The following CCSER2 variants were observed in gnomAD, a reference collection of about 807,000 sequenced individuals.
CCSER2 encodes the protein serine-rich coiled-coil domain-containing protein 2.
In CCSER2, 46 loss-of-function variants were observed where a neutral mutation model predicts 92.3. The observed-to-expected ratio is 0.50, with a 90% confidence interval of 0.39 to 0.64. The LOEUF (loss-of-function observed/expected upper bound fraction) is 0.64. CCSER2 is among the 30% of genes least tolerant of loss of function. The pLI, the probability that CCSER2 is intolerant of heterozygous loss-of-function variation, is 0.00. For synonymous variants in CCSER2, 433 were observed against 431.4 expected, an observed-to-expected ratio of 1.00 and a Z score of -0.04; for missense variants, 1,244 against 1,238.9, an observed-to-expected ratio of 1.00 and a Z score of -0.06.
At chr10:84,506,810 A>AATAAATAAATAC (rs1292964143) in intron 9 of CCSER2, among the ~76,000 whole-genome samples, 1 of 151,690 alleles carries the variant, frequency 6.6e-6, no homozygotes, top group Admixed American at 6.6e-5. Context: ...TAAATAAATA[A>AATAAATAAATAC]ATAAATAAAT....
At chr10:84,453,248 A>G (rs896642694) in intron 6 of CCSER2, among the ~76,000 whole-genome samples, 3 of 152,152 alleles carry the variant, frequency 2.0e-5, no homozygotes, top group African/African-American at 7.2e-5. Context: ...GATCAGAACA[A>G]TATATTTCTA....
intron 1 of CCSER2, among the ~76,000 whole-genome samples, chr10:84,353,499 A>G (rs1428942538): frequency 1.3e-5 from 2 of 152,172 alleles, no homozygotes; most frequent in Non-Finnish European, 2.9e-5. Context: ...CAAGTTCTGT[A>G]TGCTTTTGTT....
intron 6 of CCSER2, among the ~76,000 whole-genome samples, chr10:84,451,238 T>C (rs1219324188): frequency 1.3e-5 from 2 of 151,658 alleles, no homozygotes; most frequent in Non-Finnish European, 1.5e-5. Context: ...GAAAGGTTTT[T>C]TTTTTGGTTG....
chr10:84,498,750 C>G (rs544108183), intron 9 of CCSER2, among the ~76,000 whole-genome samples: 1 of 152,182 alleles, frequency 6.6e-6, no homozygotes, highest in Non-Finnish European at 1.5e-5. Context: ...GGCTGATTTT[C>G]CTTAATGATA....
chr10:84,468,818 AGAG>A (rs1846610632), intron 7 of CCSER2, among the ~76,000 whole-genome samples: 1 of 152,140 alleles, frequency 6.6e-6, no homozygotes, highest in Admixed American at 6.5e-5. Context: ...TAACTGAATC[AGAG>A]TGCAGGTATT....
rs771127624 is a variant in CCSER2, at chr10:84,438,597, G to T, written c.1954G>T (p.Asp652Tyr). The T allele has an allele frequency of 6.8e-6, 11 of 1,613,388 alleles. 1 individual carries two copies. The South Asian group carries it at 1.2e-4, about 18-fold the overall frequency. ...PFFQAQKMFV[D>Y]VPENTVILDE... ...TTTCCAGGCTCAGAAGATGTTTGTT[G>T]ATGTACCAGAAAATACAGTGATACT... Residue 652 changes from aspartate to tyrosine, a missense_variant, in exon 6 of 10, where the codon GAT becomes TAT. Asp to Tyr is a radical substitution (Grantham distance 160). Coordinates refer to ENST00000372088, the MANE Select transcript of CCSER2 (RefSeq NM_001284240.2).
At chr10:84,500,090 A>C (rs1848646083) in intron 9 of CCSER2, 3 of 1,217,094 alleles carry the variant, frequency 2.5e-6, no homozygotes, top group South Asian at 1.6e-5. Context: ...CTAAAGCAGC[A>C]CTCTCTGTGG....
intron 4 of CCSER2, among the ~76,000 whole-genome samples, chr10:84,420,414 A>G (rs745829682): frequency 1.4e-4 from 22 of 152,314 alleles, no homozygotes; most frequent in Non-Finnish European, 3.1e-4. Context: ...GGCACCAAAG[A>G]TAAAATAGTA....
At chr10:84,457,208 A>C in intron 6 of CCSER2, among the ~76,000 whole-genome samples, 1 of 106,916 alleles carries the variant, frequency 9.4e-6, no homozygotes, top group Non-Finnish European at 1.9e-5. Flanking sequence ...CTTCTTTTAT[A>C]TATATATTAC....
chr10:84,454,456 T>C (rs1453263280), intron 6 of CCSER2, among the ~76,000 whole-genome samples: 1 of 152,246 alleles, frequency 6.6e-6, no homozygotes, highest in East Asian at 1.9e-4. Flanking sequence ...TGAGATGCAA[T>C]ATACACAGTA....
At chr10:84,409,131 C>T (rs2133353057) in intron 3 of CCSER2, among the ~76,000 whole-genome samples, 1 of 152,120 alleles carries the variant, frequency 6.6e-6, no homozygotes, top group African/African-American at 2.4e-5. Context: ...GCTGGAATTA[C>T]AGGTGCCTGC....
chr10:84,408,029 A>T (rs2133348029), intron 3 of CCSER2, among the ~76,000 whole-genome samples: 1 of 152,166 alleles, frequency 6.6e-6, no homozygotes, highest in East Asian at 1.9e-4. Context: ...GAAGGTTCCC[A>T]CATGGCAGGC....
At chr10:84,369,069 A>G (rs189800678) in intron 1 of CCSER2, among the ~76,000 whole-genome samples, 112 of 150,548 alleles carry the variant, frequency 7.4e-4, no homozygotes, top group African/African-American at 2.6e-3. Context: ...TAATTCACTC[A>G]TTGGTTGATG....
chr10:84,470,573 T>G, intron 8 of CCSER2, 115 bp downstream of exon 8: 2 of 783,380 alleles, frequency 2.6e-6, no homozygotes, highest in Non-Finnish European at 3.5e-6. Context: ...AAAGTTGCAC[T>G]TTTATATTAT....
intron 9 of CCSER2, among the ~76,000 whole-genome samples, chr10:84,483,282 A>G (rs1347281309): frequency 1.3e-5 from 2 of 151,834 alleles, no homozygotes; most frequent in Admixed American, 6.6e-5. Flanking sequence ...AATCCGAGCT[A>G]CTCGGGAGGC....
At chr10:84,395,575 T>G (rs1315872539) in intron 3 of CCSER2, among the ~76,000 whole-genome samples, 4 of 152,212 alleles carry the variant, frequency 2.6e-5, no homozygotes. Context: ...CCGCAATCTT[T>G]TATCCCTTTC....
chr10:84,416,862 C>T (rs772925142), intron 3 of CCSER2, among the ~76,000 whole-genome samples: 3 of 151,958 alleles, frequency 2.0e-5, no homozygotes, highest in African/African-American at 4.8e-5. Context: ...ACCCAGGAGG[C>T]GGAGCTTGCA....
chr10:84,362,310 C>T (rs115944015), intron 1 of CCSER2, among the ~76,000 whole-genome samples: 3,632 of 152,226 alleles, frequency 0.024, 136 homozygotes, highest in African/African-American at 0.082. Context: ...TTATAGGTGT[C>T]TACTATTTTA....
chr10:84,441,133 TA>T (rs1326286760), intron 6 of CCSER2, among the ~76,000 whole-genome samples: 1 of 152,202 alleles, frequency 6.6e-6, no homozygotes, highest in Non-Finnish European at 1.5e-5. Flanking sequence ...TCCTTTATTT[TA>T]TCTGTTATCT....
Sources: gnomAD v4.1 joint callset for allele counts (sites outside exome capture counted in the v4.1 genomes callset) on GRCh38, gnomAD v4.1.1 for gene constraint, MANE v1.5 for transcripts, NCBI Gene and HGNC (gene_info 2026-07-23, HGNC 2026-07-21) for gene names.